Variants in CNTLN observed in about 807,000 individuals in gnomAD.
CNTLN encodes centlein, centrosomal protein.
Under a neutral mutation model 180.0 loss-of-function variants are expected in CNTLN, and 212 were observed. That is an observed-to-expected ratio of 1.18 (90% CI 1.05 to 1.32). The LOEUF (loss-of-function observed/expected upper bound fraction) is 1.32. Among genes scored for constraint, CNTLN ranks in the 40% most tolerant of loss-of-function variants. The pLI is 0.00. For missense variants in CNTLN, 2,095 were observed against 1,610.9 expected (o/e 1.30, Z -5.14); for synonymous variants, 722 against 563.1 (o/e 1.28, Z -3.99).
chr9:17,402,037 CA>C (rs1827018665), intron 15 of CNTLN, among the ~76,000 whole-genome samples: 1 of 151,618 alleles, frequency 6.6e-6, no homozygotes, highest in Admixed American at 6.6e-5. Flanking sequence ...CTCAGTGAAC[CA>C]AAGATTATGA....
At chr9:17,311,205 A>T (rs1819108549) in intron 8 of CNTLN, among the ~76,000 whole-genome samples, 1 of 151,604 alleles carries the variant, frequency 6.6e-6, no homozygotes, top group Non-Finnish European at 1.5e-5. Flanking sequence ...TTTTATTTTT[A>T]GTATAGACGG....
At chr9:17,452,213 A>C (rs1830826825) in intron 18 of CNTLN, among the ~76,000 whole-genome samples, 1 of 152,184 alleles carries the variant, frequency 6.6e-6, no homozygotes, top group African/African-American at 2.4e-5. Flanking sequence ...GGCCTGAAGA[A>C]TATTTTCCAA....
intron 7 of CNTLN, among the ~76,000 whole-genome samples, chr9:17,307,451 G>A (rs1467266976): frequency 6.6e-6 from 1 of 151,920 alleles, no homozygotes; most frequent in Non-Finnish European, 1.5e-5. Context: ...TGTATTTTTG[G>A]TAGAGACGGG....
chr9:17,335,266 C>T (rs151228526), intron 10 of CNTLN, among the ~76,000 whole-genome samples: 1,909 of 152,288 alleles, frequency 0.013, 49 homozygotes, highest in African/African-American at 0.043. Context: ...CGCCTGTAAT[C>T]CCAGCACTTT....
chr9:17,227,405 A>G (rs1302646573), intron 3 of CNTLN, among the ~76,000 whole-genome samples: 1 of 152,058 alleles, frequency 6.6e-6, no homozygotes, highest in Admixed American at 6.6e-5. Flanking sequence ...GCTTCCTGGA[A>G]CAATTTTCAA....
chr9:17,470,213 C>T (rs1291708662), intron 23 of CNTLN, among the ~76,000 whole-genome samples: 1 of 151,792 alleles, frequency 6.6e-6, no homozygotes, highest in Non-Finnish European at 1.5e-5. Flanking sequence ...AATTGATTTA[C>T]GTCTGCTTCA....
chr9:17,455,638 G>C (rs1831063799), intron 18 of CNTLN, among the ~76,000 whole-genome samples: 1 of 152,116 alleles, frequency 6.6e-6, no homozygotes, highest in Non-Finnish European at 1.5e-5. Flanking sequence ...ATACTAAGCT[G>C]CCCTTTAAAG....
At chr9:17,316,444 G>A (rs1819544105) in intron 8 of CNTLN, among the ~76,000 whole-genome samples, 1 of 151,856 alleles carries the variant, frequency 6.6e-6, no homozygotes. Context: ...ACTTAGGATG[G>A]GGCTATGTCC....
intron 14 of CNTLN, among the ~76,000 whole-genome samples, chr9:17,391,462 A>G (rs1344210991): frequency 2.6e-5 from 4 of 152,154 alleles, no homozygotes; most frequent in Non-Finnish European, 5.9e-5. Context: ...CTTCTGAGGC[A>G]CTTCCAGTGA....
At chr9:17,284,604 C>T (rs2383013) in intron 6 of CNTLN, among the ~76,000 whole-genome samples, 44,510 of 151,880 alleles carry the variant, frequency 0.29, 6,601 homozygotes, top group South Asian at 0.41. Flanking sequence ...TCAGTGGTGA[C>T]ATCCCCTTTA....
At chr9:17,187,236 T>A (rs1213639167) in intron 2 of CNTLN, among the ~76,000 whole-genome samples, 1 of 152,112 alleles carries the variant, frequency 6.6e-6, no homozygotes, top group South Asian at 2.1e-4. Flanking sequence ...ATATCTGCTT[T>A]ATCTACTTTC....
chr9:17,344,455 G>A (rs947678782), intron 12 of CNTLN, among the ~76,000 whole-genome samples: 1 of 152,064 alleles, frequency 6.6e-6, no homozygotes, highest in Non-Finnish European at 1.5e-5. Context: ...AAGCTTTTTT[G>A]GGGGAGGGTT....
chr9:17,207,181 C>A (rs1822984128), intron 2 of CNTLN, among the ~76,000 whole-genome samples: 1 of 152,202 alleles, frequency 6.6e-6, no homozygotes, highest in African/African-American at 2.4e-5. Flanking sequence ...GTTTCCATTG[C>A]AATTTGCTTA....
At chr9:17,439,701 A>G (rs924831148) in intron 18 of CNTLN, among the ~76,000 whole-genome samples, 10 of 152,190 alleles carry the variant, frequency 6.6e-5, no homozygotes, top group African/African-American at 1.4e-4. Flanking sequence ...ATAATTCATA[A>G]CCCCCAATGT....
the CNTLN span, among the ~76,000 whole-genome samples, chr9:17,515,811 C>G: frequency 6.6e-6 from 1 of 152,194 alleles, no homozygotes; most frequent in African/African-American, 2.4e-5. Flanking sequence ...CTCTATAATA[C>G]AGCATATTCA....
At chr9:17,172,323 G>A (rs1820471786) in intron 2 of CNTLN, among the ~76,000 whole-genome samples, 1 of 152,142 alleles carries the variant, frequency 6.6e-6, no homozygotes, top group African/African-American at 2.4e-5. Context: ...GGGGACCATG[G>A]TAGCACCTGC....
chr9:17,457,859 A>C, intron 19 of CNTLN, 144 bp downstream of exon 19: 1 of 468,808 alleles, frequency 2.1e-6, no homozygotes, highest in Non-Finnish European at 3.5e-6. Context: ...CTTCATCATT[A>C]ATTTTTAGCC....
chr9:17,405,677 T>C (rs1337309412), intron 15 of CNTLN, among the ~76,000 whole-genome samples: 1 of 151,812 alleles, frequency 6.6e-6, no homozygotes, highest in African/African-American at 2.4e-5. Flanking sequence ...GCTGCACTCA[T>C]TGTTTTGTGA....
chr9:17,324,793 T>C (rs1383471602), intron 8 of CNTLN, among the ~76,000 whole-genome samples: 1 of 152,168 alleles, frequency 6.6e-6, no homozygotes, highest in Admixed American at 6.5e-5. Context: ...GACTGTACCA[T>C]GTAAGTATTT....
Sources: allele counts gnomAD v4.1 joint callset (sites outside exome capture counted in the v4.1 genomes callset), GRCh38; gene constraint gnomAD v4.1.1; transcripts MANE v1.5; gene names NCBI Gene and HGNC (gene_info 2026-07-23, HGNC 2026-07-21).